Variants in ATP8B4 observed in about 807,000 individuals in gnomAD.
ATP8B4 encodes the protein ATPase phospholipid transporting 8B4 (putative).
A neutral mutation model predicts 145.6 loss-of-function variants in ATP8B4; 133 were observed. The observed-to-expected ratio is 0.91, with a 90% confidence interval of 0.79 to 1.05. The LOEUF is 1.05. Ranked by LOEUF, ATP8B4 falls within the 50% of genes least tolerant of loss-of-function variation. The probability of loss-of-function intolerance (pLI) is 0.00; values close to 1 mark genes in which losing one functional copy is unlikely to be tolerated. For missense variants in ATP8B4, 1,458 were observed against 1,425.2 expected (o/e 1.02, Z -0.37); for synonymous variants, 507 against 492.9 (o/e 1.03, Z -0.38).
intron 20 of ATP8B4, among the ~76,000 whole-genome samples, chr15:49,905,788 C>A (rs540710957): frequency 6.6e-6 from 1 of 151,988 alleles, no homozygotes; most frequent in South Asian, 2.1e-4. Flanking sequence ...TACACAAACA[C>A]TATTACAACA....
At chr15:50,092,875 T>A (rs1478842977) in intron 2 of ATP8B4, among the ~76,000 whole-genome samples, 2 of 151,836 alleles carry the variant, frequency 1.3e-5, no homozygotes, top group African/African-American at 4.8e-5. Context: ...TTTCTAAGAA[T>A]CCCAAGCTGG....
chr15:49,860,148 C>T lies in ATP8B4; in HGVS notation c.*46G>A. ...CTCTGGAGCCAGCAGAATTTCAGCT[C>T]CACCTGAAGTGAAAAGATAACTACG... On this transcript the variant is annotated 3_prime_UTR_variant, in exon 28 of 28. Transcript: ENST00000284509. The T allele has an allele frequency of 6.5e-7, 1 of 1,547,452 alleles. No homozygotes were observed. The highest frequency in any genetic ancestry group is 8.7e-7 in the Non-Finnish European group (1 of 1,146,768).
At chr15:50,129,966 A>AAAG (rs2057334867) in intron 1 of ATP8B4, among the ~76,000 whole-genome samples, 1 of 133,660 alleles carries the variant, frequency 7.5e-6, no homozygotes, top group African/African-American at 2.8e-5. Context: ...AAAAAAAAAA[A>AAAG]AAAGAAAGAA....
intron 1 of ATP8B4, among the ~76,000 whole-genome samples, chr15:50,111,324 A>G (rs1360957842): frequency 1.3e-5 from 2 of 152,246 alleles, no homozygotes; most frequent in Admixed American, 1.3e-4. Context: ...GCCTGCCCAC[A>G]GGGAAAGAAT....
At chr15:50,022,906 G>A (rs960324700) in intron 6 of ATP8B4, among the ~76,000 whole-genome samples, 1 of 152,150 alleles carries the variant, frequency 6.6e-6, no homozygotes, top group Non-Finnish European at 1.5e-5. Context: ...TTATTCATTG[G>A]CACTACTCAA....
intron 1 of ATP8B4, among the ~76,000 whole-genome samples, chr15:50,181,089 T>C (rs985253441): frequency 3.3e-5 from 5 of 152,178 alleles, no homozygotes; most frequent in African/African-American, 1.2e-4. Flanking sequence ...TTCTTGTCTG[T>C]AAATGAGCAT....
intron 14 of ATP8B4, among the ~76,000 whole-genome samples, chr15:49,938,419 G>A (rs937108687): frequency 2.6e-5 from 4 of 152,084 alleles, no homozygotes; most frequent in Non-Finnish European, 5.9e-5. Flanking sequence ...AGAAAGTTCT[G>A]TCACACAAAT....
intron 6 of ATP8B4, among the ~76,000 whole-genome samples, chr15:50,035,465 T>C (rs1419249665): frequency 1.3e-5 from 2 of 152,304 alleles, no homozygotes; most frequent in African/African-American, 4.8e-5. Context: ...CATGAATGGA[T>C]AGAACTCTAA....
intron 2 of ATP8B4, among the ~76,000 whole-genome samples, chr15:50,097,312 T>C (rs1427143632): frequency 6.6e-6 from 1 of 152,084 alleles, no homozygotes; most frequent in Non-Finnish European, 1.5e-5. Flanking sequence ...TTAAATAATA[T>C]ATGCTCAAAG....
At position 49,860,445 on chromosome 15, in the gene ATP8B4, C is replaced by A; in HGVS notation, c.3328G>T (p.Ala1110Ser). The A allele has an allele frequency of 3.7e-6, 6 of 1,612,766 alleles. No homozygotes were observed. Among genetic ancestry groups the A allele is most frequent in the Non-Finnish European group, 5.1e-6 (6 of 1,179,642 alleles). Residue 1110 changes from alanine to serine, a missense_variant, in exon 28 of 28, where the codon GCA becomes TCA. Coordinates refer to ENST00000284509, the MANE Select transcript of ATP8B4 (RefSeq NM_024837.4). Reference protein sequence around the residue: ...IRRWQKAQKKARPPSSRRPRT... With the variant: ...IRRWQKAQKKSRPPSSRRPRT... ...GGCCTTCGGCTACTTGGAGGCCTTG[C>A]CTTCTTTTGAGCCTTCTGCCACCGG...
At chr15:49,919,847 C>A (rs558664146) in intron 18 of ATP8B4, among the ~76,000 whole-genome samples, 1 of 152,270 alleles carries the variant, frequency 6.6e-6, no homozygotes, top group East Asian at 1.9e-4. Flanking sequence ...GCACAGATAT[C>A]ATCAGAATCT....
intron 1 of ATP8B4, among the ~76,000 whole-genome samples, chr15:50,109,368 C>T (rs1190697347): frequency 1.3e-5 from 2 of 152,052 alleles, no homozygotes; most frequent in Non-Finnish European, 2.9e-5. Flanking sequence ...TCACAAAATA[C>T]TCAAAAAACA....
chr15:50,181,038 C>T (rs2044839740), intron 1 of ATP8B4, among the ~76,000 whole-genome samples: 1 of 152,112 alleles, frequency 6.6e-6, no homozygotes, highest in South Asian at 2.1e-4. Context: ...CCAAAACCCA[C>T]GAATTACTTA....
At chr15:50,033,686 G>GTAGTTT (rs2050618869) in intron 6 of ATP8B4, among the ~76,000 whole-genome samples, 1 of 152,140 alleles carries the variant, frequency 6.6e-6, no homozygotes, top group African/African-American at 2.4e-5. Context: ...TACTCAATAG[G>GTAGTTT]TAGTTTTCCA....
chr15:50,038,113 G>A (rs970360062), intron 6 of ATP8B4, among the ~76,000 whole-genome samples: 1 of 151,896 alleles, frequency 6.6e-6, no homozygotes, highest in African/African-American at 2.4e-5. Context: ...AAAATAAGGG[G>A]GGGACAGCAA....
At chr15:50,058,944 G>A (rs1460312142) in intron 3 of ATP8B4, among the ~76,000 whole-genome samples, 1 of 148,792 alleles carries the variant, frequency 6.7e-6, no homozygotes, top group Non-Finnish European at 1.5e-5. Context: ...ACATGGGGCA[G>A]GTAGGGGAGG....
intron 1 of ATP8B4, among the ~76,000 whole-genome samples, chr15:50,154,400 TTCC>T (rs1161224327): frequency 6.6e-6 from 1 of 152,154 alleles, no homozygotes; most frequent in African/African-American, 2.4e-5. Flanking sequence ...ATTATTCTTT[TTCC>T]TCAATTAAAA....
At chr15:50,047,242 A>ATGAT (rs1299957094) in intron 4 of ATP8B4, 109 bp downstream of exon 4, 1 of 676,024 alleles carries the variant, frequency 1.5e-6, no homozygotes, top group African/African-American at 1.8e-5. Flanking sequence ...CTGATAAAGG[A>ATGAT]TGATTGTACC....
chr15:49,877,409 C>T (rs188915188), intron 24 of ATP8B4, among the ~76,000 whole-genome samples: 5 of 152,146 alleles, frequency 3.3e-5, no homozygotes, highest in East Asian at 1.9e-4. Flanking sequence ...GGAGAAGAGG[C>T]GAAAGTGGAA....
Sources: gnomAD v4.1 joint callset for allele counts (sites outside exome capture counted in the v4.1 genomes callset) on GRCh38, gnomAD v4.1.1 for gene constraint, MANE v1.5 for transcripts, NCBI Gene and HGNC (gene_info 2026-07-23, HGNC 2026-07-21) for gene names.